RNF150: variants seen among roughly 807,000 people sequenced by gnomAD.
The protein encoded by RNF150 is ring finger protein 150.
In RNF150, 24 loss-of-function variants were observed where a neutral mutation model predicts 39.3. That is an observed-to-expected ratio of 0.61 (90% CI 0.44 to 0.86). The LOEUF (loss-of-function observed/expected upper bound fraction) is 0.86, where lower values mean the gene tolerates loss of function less well. Ranked by LOEUF, RNF150 falls within the 40% of genes least tolerant of loss-of-function variation. RNF150 has a pLI of 0.00. For missense variants in RNF150, 502 were observed against 587.8 expected (o/e 0.85, Z 1.51); for synonymous variants, 255 against 227.3 (o/e 1.12, Z -1.10).
intron 1 of RNF150, among the ~76,000 whole-genome samples, chr4:141,090,517 C>T (rs1418677125): frequency 6.6e-6 from 1 of 152,158 alleles, no homozygotes; most frequent in African/African-American, 2.4e-5. Flanking sequence ...GAGATGGAAG[C>T]TTATCTTAGC....
At chr4:140,943,420 G>A (rs1301081481) in intron 4 of RNF150, among the ~76,000 whole-genome samples, 1 of 152,156 alleles carries the variant, frequency 6.6e-6, no homozygotes, top group Non-Finnish European at 1.5e-5. Flanking sequence ...AAGGAGTTAG[G>A]CAGATATTTA....
rs1734603473 is a variant in RNF150 at position 141,000,087 on chromosome 4, G to GAGAAGGAGA, written c.485-32215_485-32214insTCTCCTTCT. On this transcript the variant is annotated intron_variant, in intron 1 of 6. Transcript: ENST00000515673. ...GAAGAAGAAGAAGAAGAAGAAGAAGGAGAAGAAGAAGAAGAAGAAGAGGAG... is the reference window on the plus strand; with the variant it reads ...GAAGAAGAAGAAGAAGAAGAAGAAGGAGAAGGAGAAGAAGAAGAAGAAGAAGAAGAGGAG... Among the ~76,000 whole-genome samples the GAGAAGGAGA allele has an allele frequency of 5.6e-4, 20 of 35,936 alleles. 4 individuals carry two copies. Among genetic ancestry groups the GAGAAGGAGA allele is most frequent in the East Asian group, 3.5e-3 (3 of 854 alleles). The allele number at this position is 35,936 out of a possible 152,430, so 23.6% of individuals were successfully genotyped here.
At chr4:141,170,649 A>G (rs1460279457) in intron 1 of RNF150, among the ~76,000 whole-genome samples, 1 of 152,184 alleles carries the variant, frequency 6.6e-6, no homozygotes, top group Non-Finnish European at 1.5e-5. Context: ...GACCTCTGAA[A>G]TTATACATCC....
At chr4:141,194,077 A>G (rs1230937390) in intron 1 of RNF150, among the ~76,000 whole-genome samples, 1 of 152,226 alleles carries the variant, frequency 6.6e-6, no homozygotes, top group African/African-American at 2.4e-5. Context: ...AAACACACAT[A>G]TTGTATACGA....
At chr4:141,004,520 T>C (rs1734795385) in intron 1 of RNF150, among the ~76,000 whole-genome samples, 1 of 152,182 alleles carries the variant, frequency 6.6e-6, no homozygotes, top group African/African-American at 2.4e-5. Flanking sequence ...TATTTAGACA[T>C]TGCTAACAGA....
intron 5 of RNF150, among the ~76,000 whole-genome samples, chr4:140,921,098 T>A (rs1252442352): frequency 6.7e-6 from 1 of 150,364 alleles, no homozygotes; most frequent in African/African-American, 2.4e-5. Flanking sequence ...AGTTAATGGG[T>A]GCAGCACACC....
At chr4:141,078,990 A>C (rs1297752722) in intron 1 of RNF150, among the ~76,000 whole-genome samples, 1 of 151,652 alleles carries the variant, frequency 6.6e-6, no homozygotes, top group African/African-American at 2.4e-5. Flanking sequence ...TTTCCACTTT[A>C]AATGCAAAAT....
chr4:141,155,930 G>A (rs2111149018), intron 1 of RNF150, among the ~76,000 whole-genome samples: 1 of 140,206 alleles, frequency 7.1e-6, no homozygotes, highest in East Asian at 2.3e-4. Context: ...AGAAAAGTCT[G>A]GTGGTTAGTG....
rs186862848 is a variant in RNF150 at position 141,033,809 on chromosome 4, T to C, written c.485-65936A>G. On this transcript the variant is annotated intron_variant, in intron 1 of 6. Transcript: ENST00000515673. ...TTTGAAAGAAGTCTTTTTTTCTGAG[T>C]GGTAGATCTCAACAGTGGGCTTAAA... 2.6e-3 allele frequency among the ~76,000 whole-genome samples: 390 copies of C among 152,174 alleles called. 1 individual carries two copies. Among genetic ancestry groups the C allele is most frequent in the Non-Finnish European group, 3.4e-3 (233 of 68,000 alleles).
chr4:140,912,857 G>T (rs181554319), intron 5 of RNF150, among the ~76,000 whole-genome samples: 24 of 151,496 alleles, frequency 1.6e-4, no homozygotes, highest in African/African-American at 5.4e-4. Flanking sequence ...CATTGGACAC[G>T]AGCAAGTGGG....
intron 1 of RNF150, among the ~76,000 whole-genome samples, chr4:141,074,518 G>A (rs1737822679): frequency 6.6e-6 from 1 of 152,032 alleles, no homozygotes; most frequent in Non-Finnish European, 1.5e-5. Context: ...AGGCAACCTA[G>A]GGATTAGCAT....
intron 6 of RNF150, among the ~76,000 whole-genome samples, chr4:140,887,155 C>A (rs764023620): frequency 1.3e-5 from 2 of 152,124 alleles, no homozygotes; most frequent in African/African-American, 2.4e-5. Context: ...GAATGCCAGG[C>A]TAAATTACCA....
upstream of RNF150, among the ~76,000 whole-genome samples, chr4:141,137,285 G>C (rs994947086): frequency 3.3e-5 from 5 of 152,208 alleles, no homozygotes; most frequent in African/African-American, 4.8e-5. Flanking sequence ...TGTTTTAAAA[G>C]ATTTAGTCTG....
chr4:141,112,620 G>A (rs1190522978), intron 1 of RNF150, among the ~76,000 whole-genome samples: 1 of 152,108 alleles, frequency 6.6e-6, no homozygotes, highest in Non-Finnish European at 1.5e-5. Flanking sequence ...GCTTCACTTT[G>A]TGGGTAACCC....
intron 1 of RNF150, among the ~76,000 whole-genome samples, chr4:141,082,362 G>C (rs1181560914): frequency 6.6e-6 from 1 of 152,162 alleles, no homozygotes; most frequent in East Asian, 1.9e-4. Context: ...AATGCACAAG[G>C]TGACTGAGGG....
intron 1 of RNF150, among the ~76,000 whole-genome samples, chr4:140,972,815 A>G (rs1261176125): frequency 6.6e-6 from 1 of 152,194 alleles, no homozygotes; most frequent in Non-Finnish European, 1.5e-5. Context: ...TTTATGAGTA[A>G]TAAAAGGAAA....
Position 141,132,922 on chromosome 4 carries a change from CG to C in RNF150, c.-115del, listed in dbSNP as rs1726944454. 1 of 858,432 alleles carries C rather than the reference CG, an allele frequency of 1.2e-6. No individual in the cohort carries two copies. Among genetic ancestry groups the C allele is most frequent in the Non-Finnish European group, 1.7e-6 (1 of 575,598 alleles). The allele number at this position is 858,432 out of a possible 1,614,324, so 53.2% of individuals were successfully genotyped here. On this transcript the variant is annotated 5_prime_UTR_variant, in exon 1 of 7. It removes the in-frame stop codon of an upstream open reading frame in the 5' UTR. Coordinates refer to ENST00000515673, the MANE Select transcript of RNF150 (RefSeq NM_020724.2). The surrounding 1 kb of genome is among the most constrained non-coding windows in gnomAD (Gnocchi z 4.9). ...CTCTCCTCCTGCTGCTGCTCACTCC[CG>C]GGCCGGAGGGGCCGCGGCCGGGACG... is the stretch of plus-strand genomic sequence containing the variant.
chr4:141,125,197 A>T (rs1726717652), intron 1 of RNF150, among the ~76,000 whole-genome samples: 1 of 152,238 alleles, frequency 6.6e-6, no homozygotes, highest in Non-Finnish European at 1.5e-5. Context: ...ATCCTACCAT[A>T]CATTAAACAG....
At chr4:141,118,409 A>C (rs1003791183) in intron 1 of RNF150, among the ~76,000 whole-genome samples, 1 of 152,092 alleles carries the variant, frequency 6.6e-6, no homozygotes, top group African/African-American at 2.4e-5. Flanking sequence ...GACCTACTAC[A>C]TGGTGTTGAG....
Sources: allele counts gnomAD v4.1 joint callset (sites outside exome capture counted in the v4.1 genomes callset), GRCh38; gene constraint gnomAD v4.1.1; non-coding constraint Gnocchi (gnomAD v3.1); transcripts MANE v1.5; gene names NCBI Gene and HGNC (gene_info 2026-07-23, HGNC 2026-07-21).